Variants in PRDM6 observed in about 807,000 individuals in gnomAD.
PRDM6 encodes the protein PR/SET domain 6.
Under a neutral mutation model 60.8 loss-of-function variants are expected in PRDM6, and 25 were observed. That is an observed-to-expected ratio of 0.41 (90% CI 0.30 to 0.57). The LOEUF (loss-of-function observed/expected upper bound fraction) is 0.57, where lower values mean the gene tolerates loss of function less well. Among genes scored for constraint, PRDM6 ranks in the 20% least tolerant of loss-of-function variants. The probability of loss-of-function intolerance (pLI) is 0.27; values close to 1 mark genes in which losing one functional copy is unlikely to be tolerated. For missense variants in PRDM6, 839 were observed against 821.3 expected (o/e 1.02, Z -0.26); for synonymous variants, 407 against 357.4 (o/e 1.14, Z -1.57).
intron 6 of PRDM6, among the ~76,000 whole-genome samples, chr5:123,178,765 C>T (rs556749552): frequency 6.6e-6 from 1 of 152,250 alleles, no homozygotes; most frequent in African/African-American, 2.4e-5. Flanking sequence ...GGCAAGTGGC[C>T]ACAATTAAGC....
At chr5:123,105,097 T>G (rs1764175552) in intron 3 of PRDM6, among the ~76,000 whole-genome samples, 1 of 152,254 alleles carries the variant, frequency 6.6e-6, no homozygotes, top group Non-Finnish European at 1.5e-5. Flanking sequence ...ACTGATGAGT[T>G]CTGTATCCAC....
intron 3 of PRDM6, among the ~76,000 whole-genome samples, chr5:123,134,997 T>A (rs1190759169): frequency 6.7e-6 from 1 of 148,174 alleles, no homozygotes; most frequent in Admixed American, 6.7e-5. Flanking sequence ...AAAGTATTCT[T>A]AAAAAAAAAA....
chr5:123,164,958 G>A (rs1765721825), intron 5 of PRDM6, among the ~76,000 whole-genome samples: 1 of 152,184 alleles, frequency 6.6e-6, no homozygotes, highest in South Asian at 2.1e-4. Flanking sequence ...CTCAAACCAG[G>A]ACAACCCTAA....
At chr5:123,093,465 C>T (rs2150204980) in intron 2 of PRDM6, among the ~76,000 whole-genome samples, 1 of 152,290 alleles carries the variant, frequency 6.6e-6, no homozygotes, top group Middle Eastern at 3.4e-3. Context: ...TTTAAAACAG[C>T]AGAAACTGCA....
intron 2 of PRDM6, among the ~76,000 whole-genome samples, chr5:123,092,096 A>G (rs1389101734): frequency 2.0e-5 from 3 of 152,224 alleles, no homozygotes; most frequent in Non-Finnish European, 4.4e-5. Flanking sequence ...ACTGGCTTAA[A>G]ATAGTGGTTT....
At chr5:123,147,308 A>AGAGAGAGAGAGAGAGAGAG (rs1561853193) in intron 3 of PRDM6, among the ~76,000 whole-genome samples, 1 of 148,724 alleles carries the variant, frequency 6.7e-6, no homozygotes, top group African/African-American at 2.6e-5. Flanking sequence ...AGAGAGAGAG[A>AGAGAGAGAGAGAGAGAGAG]AAACGAACAA....
At chr5:123,176,730 A>G (rs2126887939) in intron 6 of PRDM6, among the ~76,000 whole-genome samples, 1 of 152,276 alleles carries the variant, frequency 6.6e-6, no homozygotes, top group East Asian at 1.9e-4. Flanking sequence ...TAAAAAAATT[A>G]AAGAAGATTT....
intron 7 of PRDM6, among the ~76,000 whole-genome samples, chr5:123,186,881 T>C (rs1766300070): frequency 6.6e-6 from 1 of 152,244 alleles, no homozygotes. Flanking sequence ...CCCCTGCCTA[T>C]TGACAGATCC....
chr5:123,185,631 C>T (rs1049750149), intron 7 of PRDM6, among the ~76,000 whole-genome samples: 11 of 152,110 alleles, frequency 7.2e-5, no homozygotes, highest in Admixed American at 5.2e-4. Flanking sequence ...AAAAATATTC[C>T]CCGAAAGACA....
At chr5:123,165,302 C>G (rs1018533396) in intron 5 of PRDM6, among the ~76,000 whole-genome samples, 4 of 152,212 alleles carry the variant, frequency 2.6e-5, no homozygotes, top group African/African-American at 9.7e-5. Context: ...TTCAGCAGCT[C>G]TCACTCCCAA....
At chr5:123,135,104 C>T (rs1469044303) in intron 3 of PRDM6, among the ~76,000 whole-genome samples, 1 of 152,034 alleles carries the variant, frequency 6.6e-6, no homozygotes, top group Non-Finnish European at 1.5e-5. Flanking sequence ...TTCATGATCA[C>T]CTCAGAATTA....
intron 2 of PRDM6, among the ~76,000 whole-genome samples, chr5:123,095,418 C>T (rs1173063453): frequency 1.3e-5 from 2 of 152,242 alleles, no homozygotes; most frequent in Admixed American, 6.5e-5. Context: ...AGGCTGGAGC[C>T]CCGGGGGCGT....
chr5:123,114,974 G>T (rs1764400416), intron 3 of PRDM6, among the ~76,000 whole-genome samples: 1 of 152,200 alleles, frequency 6.6e-6, no homozygotes, highest in Non-Finnish European at 1.5e-5. Context: ...CGTGGCTGGA[G>T]AAATAAATTA....
chr5:123,172,622 A>T (rs745944850), intron 6 of PRDM6, among the ~76,000 whole-genome samples: 5 of 152,250 alleles, frequency 3.3e-5, no homozygotes, highest in Admixed American at 1.3e-4. Context: ...AATACAAAAG[A>T]TGCATTAAAA....
chr5:123,114,035 T>C (rs571377386), intron 3 of PRDM6, among the ~76,000 whole-genome samples: 2 of 152,252 alleles, frequency 1.3e-5, no homozygotes, highest in South Asian at 4.2e-4. Context: ...GTAACTCCAG[T>C]TGGGAGCAGT....
At position 123,194,198 on chromosome 5, in the gene PRDM6, A is replaced by G. The variant is rs1766481959; in HGVS notation, c.*6997A>G. 1 of 152,216 alleles carries G rather than the reference A, an allele frequency of 6.6e-6. No homozygotes were observed. Among genetic ancestry groups the G allele is most frequent in the Admixed American group, 6.5e-5 (1 of 15,286 alleles). 9.4% of individuals were successfully genotyped at this position (152,216 alleles called of 1,614,324 possible). On this transcript the variant is annotated 3_prime_UTR_variant, in exon 8 of 8. Transcript: ENST00000407847. ...TGTATTTAAATGAAAAAACAGGTAC[A>G]CATTTAGAGATCATTGACCAAGAAA...
At position 123,155,940 on chromosome 5, in the gene PRDM6, G is replaced by T; in HGVS notation, c.957G>T (p.Lys319Asn). ...TTATTGATGGTGGGGAACCTAGTAA[G>T]TCGAGCTGGATGAGGTATATCCGAT... ...QHFIDGGEPS[K>N]SSWMRYIRCA... Residue 319 changes from lysine (K) to asparagine (N), a missense_variant, in exon 4 of 8, where the codon AAG becomes AAT. Around this residue, in one of 2 missense-constraint regions of PRDM6, gnomAD observed 730 missense variants for 648.8 expected, o/e 1.13. Coordinates refer to ENST00000407847, the MANE Select transcript of PRDM6 (RefSeq NM_001136239.4). The T allele has an allele frequency of 6.4e-7, 1 of 1,551,702 alleles. No homozygotes were observed. The highest frequency in any genetic ancestry group is 8.7e-7 in the Non-Finnish European group (1 of 1,146,914).
chr5:123,131,188 AG>A (rs1363937794), intron 3 of PRDM6, among the ~76,000 whole-genome samples: 1 of 152,178 alleles, frequency 6.6e-6, no homozygotes, highest in Non-Finnish European at 1.5e-5. Flanking sequence ...GAAGGCTAGT[AG>A]GGAGGGGAGA....
At chr5:123,101,097 T>C (rs568918887) in intron 3 of PRDM6, among the ~76,000 whole-genome samples, 45 of 152,348 alleles carry the variant, frequency 3.0e-4, no homozygotes, top group African/African-American at 1.1e-3. Flanking sequence ...AAAATGATCT[T>C]TTTCACTGTG....
Sources: allele counts gnomAD v4.1 joint callset (sites outside exome capture counted in the v4.1 genomes callset), GRCh38; gene constraint gnomAD v4.1.1; regional missense constraint gnomAD v4.1.1; transcripts MANE v1.5; gene names NCBI Gene and HGNC (gene_info 2026-07-23, HGNC 2026-07-21).